RAP2C: variants seen among roughly 807,000 people sequenced by gnomAD.
RAP2C encodes ras-related protein Rap-2c.
Under a neutral mutation model 8.9 loss-of-function variants are expected in RAP2C, and 3 were observed. The observed-to-expected ratio is 0.34, with a 90% CI of 0.15 to 0.87. The LOEUF (loss-of-function observed/expected upper bound fraction) is 0.87, where lower values mean the gene tolerates loss of function less well. RAP2C is among the 40% of genes least tolerant of loss of function. RAP2C has a pLI of 0.51. For synonymous variants in RAP2C, 60 were observed against 52.1 expected (o/e 1.15, Z -0.65); for missense variants, 76 against 133.7 (o/e 0.57, Z 2.13).
Position 132,217,589 on chromosome X carries a change from G to A in RAP2C, c.-321C>T. ...GGCGCGTGCCCCCGGGAGGGAAAGGGTGGGGGCTGCGGCGAGGGGACCCTG... is the reference window on the plus strand; with the variant it reads ...GGCGCGTGCCCCCGGGAGGGAAAGGATGGGGGCTGCGGCGAGGGGACCCTG... On this transcript the variant is annotated 5_prime_UTR_variant, in exon 4 of 6. Transcript: ENST00000370874. 1 of 197,519 alleles carries A rather than the reference G, an allele frequency of 5.1e-6. No homozygotes were observed. The highest frequency in any genetic ancestry group is 8.9e-5 in the East Asian group (1 of 11,243). 16.3% of individuals were successfully genotyped at this position (197,519 alleles called of 1,213,427 possible). A position where few individuals can be genotyped will look rare whatever the true frequency, so the allele number is the denominator to read the frequency against.
chrX:132,211,446 C>T (rs1437441315), intron 5 of RAP2C, among the ~76,000 whole-genome samples: 1 of 111,521 alleles, frequency 9.0e-6, no homozygotes, highest in East Asian at 2.8e-4. Flanking sequence ...TATACTGCTG[C>T]CATACAGCAA....
rs375550778 is a variant in RAP2C, at chrX:132,215,115, A to AT, written c.274-670dup. ...AGGGGAGTCTGGGTGGGAAGAAGTC[A>AT]TTTTTTTTTTTTTTGCCTGTGTTTG... On this transcript the variant is annotated intron_variant, in intron 4 of 5. Transcript: ENST00000370874. 1.3e-3 allele frequency among the ~76,000 whole-genome samples: 133 copies of AT among 102,212 alleles called. 1 individual carries two copies. Among genetic ancestry groups the AT allele is most frequent in the Middle Eastern group, 5.0e-3 (1 of 200 alleles). The allele number at this position is 102,212 out of a possible 115,157, so 88.8% of individuals were successfully genotyped here.
Position 132,204,996 on chromosome X carries a change from A to C in RAP2C, c.*626T>G, listed in dbSNP as rs759347223. The C allele has an allele frequency of 6.9e-4, 76 of 110,268 alleles. 1 individual carries two copies. Among genetic ancestry groups the C allele is most frequent in the African/African-American group, 2.2e-3 (67 of 30,351 alleles). The allele number at this position is 110,268 out of a possible 1,213,427, so 9.1% of individuals were successfully genotyped here. A position where few individuals can be genotyped will look rare whatever the true frequency, so the allele number is the denominator to read the frequency against. ...TGTTAATTACAAAAAAAAAAAAAAA[A>C]AAACAAAACACATCACAAACTGCAC... is the stretch of plus-strand genomic sequence containing the variant. On this transcript the variant is annotated 3_prime_UTR_variant, in exon 6 of 6. Transcript: ENST00000370874.
chrX:132,210,542 T>C (rs1424436369), intron 5 of RAP2C, among the ~76,000 whole-genome samples: 1 of 111,746 alleles, frequency 8.9e-6, no homozygotes, highest in African/African-American at 3.3e-5. Context: ...CTGAAATATA[T>C]AATGAACTGG....
chrX:132,215,667 C>T (rs1348814836), intron 4 of RAP2C, among the ~76,000 whole-genome samples: 1 of 111,487 alleles, frequency 9.0e-6, no homozygotes, highest in East Asian at 2.8e-4. Flanking sequence ...ATGAAACACC[C>T]TTCAAAAGAC....
intron 2 of RAP2C, 39 bp downstream of exon 2, chrX:132,218,193 G>A (rs1400037202): frequency 9.9e-6 from 1 of 101,517 alleles, no homozygotes; most frequent in African/African-American, 3.6e-5. Context: ...CCAGTTCCCC[G>A]AGACTGGACG....
rs961269708 is a variant in RAP2C, at chrX:132,217,674, C to A, written c.-406G>T. Reference sequence around the variant, plus strand: ...GGGCTGCCCGGCACTCCTCCCCCGCCCTTCACACAAAGGGGCCCAGGGACC... The same window carrying A: ...GGGCTGCCCGGCACTCCTCCCCCGCACTTCACACAAAGGGGCCCAGGGACC... On this transcript the variant is annotated 5_prime_UTR_variant, in exon 4 of 6. Coordinates refer to ENST00000370874, the MANE Select transcript of RAP2C (RefSeq NM_001271186.2). The A allele has an allele frequency of 4.8e-5, 6 of 126,093 alleles. No homozygotes were observed. Among genetic ancestry groups the A allele is most frequent in the Non-Finnish European group, 6.4e-5 (4 of 62,339 alleles). The allele number at this position is 126,093 out of a possible 1,213,427, so 10.4% of individuals were successfully genotyped here. A position where few individuals can be genotyped will look rare whatever the true frequency, so the allele number is the denominator to read the frequency against.
chrX:132,208,050 A>G (rs1930322043), intron 5 of RAP2C, among the ~76,000 whole-genome samples: 1 of 111,386 alleles, frequency 9.0e-6, no homozygotes. Flanking sequence ...GCTTTTGCTC[A>G]GGAAATTATG....
rs1218803224 is a variant in RAP2C, at chrX:132,217,510, G to A, written c.-242C>T. The stretch of plus-strand genomic sequence containing the variant: ...TCCTATAGGAACTGCAGCCCGAGCA[G>A]GGGGCGTGGGGAGGAGGGCGAGCCT... On this transcript the variant is annotated 5_prime_UTR_variant, in exon 4 of 6. Coordinates refer to ENST00000370874, the MANE Select transcript of RAP2C (RefSeq NM_001271186.2). 2.2e-5 allele frequency: 6 copies of A among 268,337 alleles called. No individual in the cohort carries two copies. The highest frequency in any genetic ancestry group is 4.0e-5 in the Non-Finnish European group (6 of 151,875). 22.1% of individuals were successfully genotyped at this position (268,337 alleles called of 1,213,427 possible). A position where few individuals can be genotyped will look rare whatever the true frequency, so the allele number is the denominator to read the frequency against.
In RAP2C at chrX:132,214,303, G is replaced by C. The variant is rs761259456; in HGVS notation, c.417C>G (p.Gly139=). The C allele has an allele frequency of 1.7e-6, 2 of 1,211,903 alleles. No individual in the cohort carries two copies. The highest frequency in any genetic ancestry group is 2.2e-6 in the Non-Finnish European group (2 of 895,540). ...TTGCCGATGTCTCCATGAAAGGACA[G>C]CCCCATTCTTGAGCCAGAGCTCTGC... ...SEGRALAQEW[G]CPFMETSAKS... Residue 139 remains glycine, a synonymous_variant, in exon 5 of 6, where the codon GGC becomes GGG. Coordinates refer to ENST00000370874, the MANE Select transcript of RAP2C (RefSeq NM_001271186.2).
chrX:132,208,276 C>T (rs1216698526), intron 5 of RAP2C, among the ~76,000 whole-genome samples: 1 of 111,610 alleles, frequency 9.0e-6, no homozygotes, highest in East Asian at 2.8e-4. Flanking sequence ...TTTAGCTTAA[C>T]TGGACTTACC....
At position 132,214,165 on chromosome X, in the gene RAP2C, T is replaced by C. The variant is rs777789148; in HGVS notation, c.*3A>G. ...GGTATGGCCATGATTGAGGTTATCT[T>C]CTTTACTGGACGACACAAGTTGTAC... is the stretch of plus-strand genomic sequence containing the variant. On this transcript the variant is annotated 3_prime_UTR_variant, in exon 5 of 6. Coordinates refer to ENST00000370874, the MANE Select transcript of RAP2C (RefSeq NM_001271186.2). 1 of 1,203,800 alleles carries C rather than the reference T, an allele frequency of 8.3e-7. No homozygotes were observed. The highest frequency in any genetic ancestry group is 1.1e-6 in the Non-Finnish European group (1 of 890,565).
chrX:132,213,015 T>C (rs1272044938), intron 5 of RAP2C, among the ~76,000 whole-genome samples: 2 of 111,860 alleles, frequency 1.8e-5, no homozygotes, highest in South Asian at 3.7e-4. Flanking sequence ...AAAAGATAAA[T>C]TAGGGACCGT....
At chrX:132,206,696 C>T (rs1485048251) in intron 5 of RAP2C, among the ~76,000 whole-genome samples, 7 of 111,540 alleles carry the variant, frequency 6.3e-5, no homozygotes, top group Non-Finnish European at 1.3e-4. Context: ...GCTCAAAGAG[C>T]CTGAGATAAT....
intron 5 of RAP2C, 55 bp downstream of exon 5, chrX:132,214,079 A>T: frequency 9.9e-7 from 1 of 1,006,240 alleles, no homozygotes; most frequent in Non-Finnish European, 1.3e-6. Context: ...TTTTTGTTTT[A>T]CTTGATCAAA....
intron 5 of RAP2C, among the ~76,000 whole-genome samples, chrX:132,206,271 A>G (rs1205499400): frequency 8.9e-6 from 1 of 112,081 alleles, no homozygotes; most frequent in Non-Finnish European, 1.9e-5. Flanking sequence ...GTGCCTAGGT[A>G]AGGTCAGATG....
rs1930215693 is a variant in RAP2C at position 132,204,614 on chromosome X, A to T, written c.*1008T>A. ...GAAAACTTTAACAAATATTGCTTTA[A>T]ACTATTATTCAGAAAGACAAATATT... On this transcript the variant is annotated 3_prime_UTR_variant, in exon 6 of 6. Transcript: ENST00000370874. The T allele has an allele frequency of 8.9e-6, 1 of 112,175 alleles. No homozygotes were observed. Among genetic ancestry groups the T allele is most frequent in the African/African-American group, 3.2e-5 (1 of 30,797 alleles). The allele number at this position is 112,175 out of a possible 1,213,427, so 9.2% of individuals were successfully genotyped here. A position where few individuals can be genotyped will look rare whatever the true frequency, so the allele number is the denominator to read the frequency against.
chrX:132,206,825 A>G (rs1477461775), intron 5 of RAP2C, among the ~76,000 whole-genome samples: 1 of 112,493 alleles, frequency 8.9e-6, no homozygotes, highest in Non-Finnish European at 1.9e-5. Flanking sequence ...CTGCCTCTTT[A>G]GAAATTATTA....
At position 132,203,813 on chromosome X, in the gene RAP2C, T is replaced by A; in HGVS notation, c.*1809A>T. On this transcript the variant is annotated 3_prime_UTR_variant, in exon 6 of 6. Transcript: ENST00000370874. ...AGGAACAATGTTTCAATTGCCTCTA[T>A]CTTTACAATCTCACCATAAAATTCA... is the stretch of plus-strand genomic sequence containing the variant. 1 of 112,148 alleles carries A rather than the reference T, an allele frequency of 8.9e-6. No individual in the cohort carries two copies. Among genetic ancestry groups the A allele is most frequent in the South Asian group, 3.7e-4 (1 of 2,689 alleles). The allele number at this position is 112,148 out of a possible 1,213,427, so 9.2% of individuals were successfully genotyped here.
Sources: gnomAD v4.1 joint callset for allele counts (sites outside exome capture counted in the v4.1 genomes callset) on GRCh38, gnomAD v4.1.1 for gene constraint, MANE v1.5 for transcripts, NCBI Gene and HGNC (gene_info 2026-07-23, HGNC 2026-07-21) for gene names.